CYRIB: variants seen among roughly 807,000 people sequenced by gnomAD.
CYRIB encodes the protein CYFIP-related Rac1 interactor B.
CYRIB carries 8 observed loss-of-function variants against 44.2 expected under a neutral mutation model. The observed-to-expected ratio is 0.18, with a 90% confidence interval of 0.11 to 0.33. The LOEUF is 0.33. Ranked by LOEUF, CYRIB falls within the 10% of genes least tolerant of loss-of-function variation. CYRIB has a pLI of 1.00. For synonymous variants in CYRIB, 131 were observed against 127.2 expected (o/e 1.03, Z -0.20); for missense variants, 185 against 382.8 (o/e 0.48, Z 4.31).
intron 3 of CYRIB, among the ~76,000 whole-genome samples, chr8:129,878,368 C>T (rs2059838979): frequency 6.6e-6 from 1 of 152,108 alleles, no homozygotes; most frequent in African/African-American, 2.4e-5. Context: ...GAATGAATTA[C>T]ATAAAATTGT....
intron 2 of CYRIB, among the ~76,000 whole-genome samples, chr8:129,882,382 G>T (rs915728116): frequency 1.3e-5 from 2 of 152,210 alleles, no homozygotes; most frequent in Non-Finnish European, 2.9e-5. Flanking sequence ...CACTGACTCA[G>T]TGTCTGGCAC....
intron 2 of CYRIB, among the ~76,000 whole-genome samples, chr8:129,961,059 G>A (rs2095234359): frequency 6.6e-6 from 1 of 152,112 alleles, no homozygotes; most frequent in Non-Finnish European, 1.5e-5. Context: ...CTGGATCAAA[G>A]GAGGGTCAAG....
At chr8:129,920,267 G>A (rs1309255573) in intron 1 of CYRIB, among the ~76,000 whole-genome samples, 1 of 151,940 alleles carries the variant, frequency 6.6e-6, no homozygotes, top group Non-Finnish European at 1.5e-5. Context: ...CATGTCTTAT[G>A]AGCTTTTCTC....
chr8:129,996,092 G>A (rs1029811941), intron 1 of CYRIB, among the ~76,000 whole-genome samples: 3 of 152,192 alleles, frequency 2.0e-5, no homozygotes, highest in African/African-American at 7.2e-5. Flanking sequence ...GCACACTCCA[G>A]TTTGTAAGAC....
At chr8:129,839,887 T>C (rs1186855370) in exon 12 of CYRIB, 1 of 152,302 alleles carries the variant, frequency 6.6e-6, no homozygotes, top group Non-Finnish European at 1.5e-5. Flanking sequence ...ATTTTTGATT[T>C]GTATTCATTC....
intron 2 of CYRIB, among the ~76,000 whole-genome samples, chr8:129,961,121 G>A (rs1214972633): frequency 6.6e-6 from 1 of 152,132 alleles, no homozygotes; most frequent in Non-Finnish European, 1.5e-5. Flanking sequence ...CTCAAATCGT[G>A]ACTCTAAATA....
At chr8:129,881,240 T>A (rs959969114) in intron 2 of CYRIB, among the ~76,000 whole-genome samples, 5 of 152,150 alleles carry the variant, frequency 3.3e-5, no homozygotes, top group Admixed American at 2.6e-4. Flanking sequence ...GGAAACCAGG[T>A]TCAAACCTGG....
intron 9 of CYRIB, 29 bp downstream of exon 11, chr8:129,850,806 T>TA (rs1479508691): frequency 6.5e-7 from 1 of 1,531,108 alleles, no homozygotes. Flanking sequence ...ACAGCACTGT[T>TA]AAAGTGAAAA....
At chr8:129,904,347 A>G (rs1418416314) in intron 1 of CYRIB, among the ~76,000 whole-genome samples, 152 bp downstream of exon 3, 1 of 152,120 alleles carries the variant, frequency 6.6e-6, no homozygotes, top group East Asian at 1.9e-4. Context: ...AGGTGTTAAC[A>G]CCATGGGCAA....
rs572867637 is a variant in CYRIB at position 130,001,748 on chromosome 8, G to A, written c.-296+14622C>T. The stretch of plus-strand genomic sequence containing the variant: ...GCCCGCCTCGACTTCCAAAAGTGTT[G>A]GGATTACAGGTGCAAGCCACTGCAC... On this transcript the variant is annotated intron_variant, in intron 1 of 14. Coordinates refer to the CYRIB transcript ENST00000401979. 2.6e-5 allele frequency among the ~76,000 whole-genome samples: 4 copies of A among 151,978 alleles called. No homozygotes were observed. In the South Asian group the frequency reaches 8.3e-4, roughly 32 times the overall value.
At chr8:129,878,979 C>T (rs2060010437) in intron 3 of CYRIB, among the ~76,000 whole-genome samples, 1 of 152,126 alleles carries the variant, frequency 6.6e-6, no homozygotes, top group Non-Finnish European at 1.5e-5. Flanking sequence ...ATTTGAAATA[C>T]TTAAATATGT....
At chr8:129,997,562 T>C (rs2133719913) in intron 1 of CYRIB, among the ~76,000 whole-genome samples, 1 of 152,338 alleles carries the variant, frequency 6.6e-6, no homozygotes, top group East Asian at 1.9e-4. Flanking sequence ...CACATAAATG[T>C]GTGCAGGGCC....
At chr8:129,946,336 CAATT>C (rs1256878971) in intron 2 of CYRIB, among the ~76,000 whole-genome samples, 2 of 152,226 alleles carry the variant, frequency 1.3e-5, no homozygotes, top group Non-Finnish European at 2.9e-5. Flanking sequence ...TCTCGCTCCT[CAATT>C]GAACATTCAG....
chr8:129,942,613 T>C (rs184956565), upstream of CYRIB, among the ~76,000 whole-genome samples: 5 of 152,330 alleles, frequency 3.3e-5, no homozygotes, highest in African/African-American at 1.2e-4. Flanking sequence ...GGCAAAGCTT[T>C]CAAAGACTTA....
intron 1 of CYRIB, among the ~76,000 whole-genome samples, chr8:130,012,738 A>C (rs1215924284): frequency 6.6e-6 from 1 of 152,172 alleles, no homozygotes; most frequent in Non-Finnish European, 1.5e-5. Flanking sequence ...CAAAACCTTC[A>C]CTGCCTCTAG....
intron 1 of CYRIB, among the ~76,000 whole-genome samples, chr8:130,009,503 G>A (rs955536840): frequency 3.1e-4 from 47 of 152,118 alleles, no homozygotes; most frequent in African/African-American, 1.1e-3. Flanking sequence ...CCTGACCTCA[G>A]GTGATCCACC....
chr8:129,972,904 C>G (rs948666369), intron 1 of CYRIB, among the ~76,000 whole-genome samples: 5 of 152,212 alleles, frequency 3.3e-5, no homozygotes, highest in Non-Finnish European at 5.9e-5. Flanking sequence ...GACTACAGCT[C>G]TAGAAACCAG....
At chr8:129,911,285 T>C (rs528730344) in intron 1 of CYRIB, among the ~76,000 whole-genome samples, 1 of 152,130 alleles carries the variant, frequency 6.6e-6, no homozygotes, top group East Asian at 1.9e-4. Context: ...CTTTAAAAGG[T>C]TAAGTAGTTT....
intron 2 of CYRIB, among the ~76,000 whole-genome samples, chr8:129,961,739 C>A (rs2095266789): frequency 6.6e-6 from 1 of 152,164 alleles, no homozygotes; most frequent in South Asian, 2.1e-4. Context: ...AAATCAAGAT[C>A]TCAGAAGAGA....
Sources: allele counts gnomAD v4.1 joint callset (sites outside exome capture counted in the v4.1 genomes callset), GRCh38; gene constraint gnomAD v4.1.1; transcripts MANE v1.5; gene names NCBI Gene and HGNC (gene_info 2026-07-23, HGNC 2026-07-21).